The following ACSF2 variants were observed in gnomAD, a reference collection of about 807,000 sequenced individuals.
The protein encoded by ACSF2 is acyl-CoA synthetase family member 2.
In ACSF2, 52 loss-of-function variants were observed where a neutral mutation model predicts 79.3. That is an observed-to-expected ratio of 0.66 (90% CI 0.53 to 0.83). The LOEUF (loss-of-function observed/expected upper bound fraction) is 0.83. Among genes scored for constraint, ACSF2 ranks in the 40% least tolerant of loss-of-function variants. The probability of loss-of-function intolerance (pLI) is 0.00; values close to 1 mark genes in which losing one functional copy is unlikely to be tolerated. For synonymous variants in ACSF2, 283 were observed against 312.6 expected (o/e 0.91, Z 1.00); for missense variants, 661 against 803.3 (o/e 0.82, Z 2.14).
In ACSF2 at chr17:50,461,722, G is replaced by T. The variant is rs778150707; in HGVS notation, c.507+36G>T. The T allele has an allele frequency of 3.7e-6, 6 of 1,612,964 alleles. No individual in the cohort carries two copies. In the South Asian group the frequency reaches 6.6e-5, roughly 18 times the overall value. ...TTTGTCGGGGAGGGGCCCGGCTGGG[G>T]CCTGGCACAGGGGGCTGCACAGACT... On this transcript the variant is annotated intron_variant, in intron 4 of 15. Transcript: ENST00000300441.
intron 9 of ACSF2, 79 bp from the exon 10 acceptor site, chr17:50,464,139 C>T: frequency 6.8e-7 from 1 of 1,472,324 alleles, no homozygotes; most frequent in Non-Finnish European, 9.5e-7. Context: ...AATGTTCCTC[C>T]CCTGAATGAG....
chr17:50,449,573 T>A (rs945580639), intron 1 of ACSF2, among the ~76,000 whole-genome samples: 1 of 151,120 alleles, frequency 6.6e-6, no homozygotes, highest in African/African-American at 2.4e-5. Context: ...CCCGGCTAAT[T>A]TTTTTTGTAT....
In ACSF2 at chr17:50,461,353, C is replaced by G. The variant is rs773820068; in HGVS notation, c.436C>G (p.Gln146Glu). 4 of 1,613,984 alleles carry G rather than the reference C, an allele frequency of 2.5e-6. No individual in the cohort carries two copies. In the East Asian group the frequency reaches 8.9e-5, roughly 36 times the overall value. Residue 146 changes from glutamine (Q) to glutamate (E), a missense_variant, in exon 3 of 16, where the codon CAG becomes GAG. Physicochemically the swap from Gln to Glu is conservative, Grantham distance 29 (BLOSUM62 2). Transcript: ENST00000300441. ...GGTGCTCATGCAGTTGGCCACCGCC[C>G]AGGCGGGCATCATTCTGGTGAGGAG... ...AWVLMQLATA[Q>E]AGIILVSVNP...
chr17:50,428,441 C>T (rs897242295), intron 1 of ACSF2, among the ~76,000 whole-genome samples: 1 of 151,488 alleles, frequency 6.6e-6, no homozygotes, highest in African/African-American at 2.4e-5. Context: ...GACTGCACCT[C>T]TGCACTCCAG....
At chr17:50,426,869 C>A in intron 1 of ACSF2, 8 of 1,531,454 alleles carry the variant, frequency 5.2e-6, no homozygotes, top group Non-Finnish European at 7.0e-6. Flanking sequence ...TAATTCTTTG[C>A]TGCCTACTCC....
chr17:50,434,277 C>G (rs972849824), intron 1 of ACSF2, among the ~76,000 whole-genome samples: 1 of 152,022 alleles, frequency 6.6e-6, no homozygotes, highest in African/African-American at 2.4e-5. Context: ...CGTGATCATG[C>G]CACCACACTC....
chr17:50,459,290 A>T (rs1361824409), intron 1 of ACSF2, among the ~76,000 whole-genome samples: 1 of 152,204 alleles, frequency 6.6e-6, no homozygotes, highest in Non-Finnish European at 1.5e-5. Context: ...ACCCAGGCTC[A>T]AGTGCAGTGG....
chr17:50,429,218 A>T (rs1915298151), intron 1 of ACSF2, among the ~76,000 whole-genome samples: 1 of 152,228 alleles, frequency 6.6e-6, no homozygotes, highest in Admixed American at 6.5e-5. Flanking sequence ...TTAGTTCATT[A>T]CTTACTACCT....
Sources: gnomAD v4.1 joint callset for allele counts (sites outside exome capture counted in the v4.1 genomes callset) on GRCh38, gnomAD v4.1.1 for gene constraint, MANE v1.5 for transcripts, NCBI Gene and HGNC (gene_info 2026-07-23, HGNC 2026-07-21) for gene names.